Variants in ACSBG1 observed in about 807,000 individuals in gnomAD.
The protein encoded by ACSBG1 is long-chain-fatty-acid--CoA ligase ACSBG1.
Under a neutral mutation model 80.2 loss-of-function variants are expected in ACSBG1, and 39 were observed. That is an observed-to-expected ratio of 0.49 (90% confidence interval 0.38 to 0.64). The LOEUF is 0.64. ACSBG1 is among the 30% of genes least tolerant of loss of function. The pLI is 0.00. For synonymous variants in ACSBG1, 392 were observed against 379.5 expected (o/e 1.03, Z -0.38); for missense variants, 828 against 966.4 (o/e 0.86, Z 1.90).
In ACSBG1 at chr15:78,231,900, T is replaced by C. The variant is rs578165754; in HGVS notation, c.131+2471A>G. Among the ~76,000 whole-genome samples the C allele has an allele frequency of 9.2e-5, 14 of 152,352 alleles. 2 individuals carry two copies. The South Asian group carries it at 2.9e-3, about 32-fold the overall frequency. ...CACTGCACCTGGCTCTCTCTGACTT[T>C]AGAACAATGTTTTACAAGAATTAAG... On this transcript the variant is annotated intron_variant, in intron 1 of 13. Coordinates refer to ENST00000258873, the MANE Select transcript of ACSBG1 (RefSeq NM_015162.5).
At chr15:78,206,055 G>A (rs1381494458) in intron 2 of ACSBG1, among the ~76,000 whole-genome samples, 1 of 152,214 alleles carries the variant, frequency 6.6e-6, no homozygotes, top group African/African-American at 2.4e-5. Flanking sequence ...TGCAGGACAG[G>A]GTGCTGGGCA....
chr15:78,183,438 G>A (rs575051174), intron 5 of ACSBG1, among the ~76,000 whole-genome samples: 12 of 152,178 alleles, frequency 7.9e-5, no homozygotes, highest in African/African-American at 2.9e-4. Flanking sequence ...TTAGCCGGGT[G>A]TGGTGGTGCA....
intron 1 of ACSBG1, among the ~76,000 whole-genome samples, chr15:78,224,458 T>A (rs7161826): frequency 0.84 from 128,192 of 152,210 alleles, 54,980 homozygotes; most frequent in Non-Finnish European, 0.94. Context: ...GGTGGCTCAC[T>A]CCTGTAATCC....
intron 2 of ACSBG1, among the ~76,000 whole-genome samples, chr15:78,207,297 A>T (rs983503321): frequency 4.6e-5 from 7 of 152,222 alleles, no homozygotes; most frequent in Non-Finnish European, 7.3e-5. Context: ...GATCCCTGCC[A>T]AAGCCACCCA....
At position 78,234,421 on chromosome 15, in the gene ACSBG1, C is replaced by G; in HGVS notation, c.81G>C (p.Glu27Asp). The change falls in exon 1 of 14, where the codon GAG becomes GAC. Residue 27 changes from glutamate (E) to aspartate (D), a missense_variant. Glu to Asp is a conservative substitution (Grantham distance 45, BLOSUM62 2). Transcript: ENST00000258873. ...TCCTCACAATCATGTCCTGCCGGCT[C>G]TCCTGTGGGGTCTCTCTGCTGTCCA... ...SMLDSRETPQ[E>D]SRQDMIVRTT... is the part of the protein sequence containing the mutation. The G allele has an allele frequency of 6.2e-7, 1 of 1,613,158 alleles. No homozygotes were observed. Among genetic ancestry groups the G allele is most frequent in the Non-Finnish European group, 8.5e-7 (1 of 1,180,038 alleles).
At position 78,172,839 on chromosome 15, in the gene ACSBG1, G is replaced by A. The variant is rs757353723; in HGVS notation, c.2089+754C>T. ...TGAGGCTGCACCAGAGCCCTCTCCT[G>A]GTTCTGTGGGCAGTGGTCCGGAACA... On this transcript the variant is annotated intron_variant, in intron 13 of 13. Coordinates refer to ENST00000258873, the MANE Select transcript of ACSBG1 (RefSeq NM_015162.5). The surrounding 1 kb of genome is among the most constrained non-coding windows in gnomAD (Gnocchi z 4.1). 3.3e-5 allele frequency among the ~76,000 whole-genome samples: 5 copies of A among 152,174 alleles called. No homozygotes were observed. The highest frequency in any genetic ancestry group is 5.9e-5 in the Non-Finnish European group (4 of 68,026).
chr15:78,202,031 G>A (rs2075173398), intron 2 of ACSBG1, among the ~76,000 whole-genome samples: 1 of 152,188 alleles, frequency 6.6e-6, no homozygotes. Context: ...CTGAGACAAT[G>A]GGGTGGTGGA....
intron 5 of ACSBG1, among the ~76,000 whole-genome samples, chr15:78,192,154 A>G (rs2075062676): frequency 6.6e-6 from 1 of 152,134 alleles, no homozygotes; most frequent in Non-Finnish European, 1.5e-5. Flanking sequence ...AAGGAACACA[A>G]AAATGGCCAG....
At chr15:78,195,694 A>G (rs985323646) in intron 2 of ACSBG1, among the ~76,000 whole-genome samples, 4 of 152,158 alleles carry the variant, frequency 2.6e-5, no homozygotes, top group Non-Finnish European at 5.9e-5. Context: ...CTTTTTTCCA[A>G]ATTTGCAAAG....
chr15:78,203,316 G>A (rs941082545), intron 2 of ACSBG1, among the ~76,000 whole-genome samples: 1 of 152,204 alleles, frequency 6.6e-6, no homozygotes, highest in Admixed American at 6.5e-5. Flanking sequence ...CTGTTGCCCA[G>A]CAAGGCACCC....
intron 1 of ACSBG1, among the ~76,000 whole-genome samples, chr15:78,216,114 T>A (rs2075310185): frequency 6.6e-6 from 1 of 152,202 alleles, no homozygotes; most frequent in Non-Finnish European, 1.5e-5. Context: ...ATGAATTAAG[T>A]CCTCATTCCC....
At chr15:78,207,917 T>TCCCCCCCACCCCCCCCCCCCCCCCCACAC in intron 2 of ACSBG1, 85 bp downstream of exon 2, 6 of 876,064 alleles carry the variant, frequency 6.8e-6, no homozygotes, top group East Asian at 2.7e-5. Context: ...TGTGTGGTGG[T>TCCCCCCCACCCCCCCCCCCCCCCCCACAC]CCCCCACACC....
intron 1 of ACSBG1, among the ~76,000 whole-genome samples, chr15:78,211,147 C>G (rs544361094): frequency 6.6e-6 from 1 of 152,358 alleles, no homozygotes; most frequent in African/African-American, 2.4e-5. Context: ...GAAGCTGCCC[C>G]TACTCTGTCT....
At chr15:78,183,318 TGTAATCCCAGCACTTTGGGAGGCCAAG>T (rs1182761162) in intron 5 of ACSBG1, among the ~76,000 whole-genome samples, 2 of 152,252 alleles carry the variant, frequency 1.3e-5, no homozygotes, top group African/African-American at 2.4e-5. Context: ...GGCTCACGCC[TGTAATCCCAGCACTTTGGGAGGCCAAG>T]GTGGGAGGGT....
chr15:78,181,808 T>A (rs543728318), intron 8 of ACSBG1, among the ~76,000 whole-genome samples, 161 bp downstream of exon 8: 1 of 152,248 alleles, frequency 6.6e-6, no homozygotes, highest in Non-Finnish European at 1.5e-5. Flanking sequence ...TCCCTTCTTG[T>A]TTGGTCATTC....
At chr15:78,191,880 C>T (rs1357810897) in intron 5 of ACSBG1, among the ~76,000 whole-genome samples, 1 of 152,140 alleles carries the variant, frequency 6.6e-6, no homozygotes, top group Non-Finnish European at 1.5e-5. Flanking sequence ...ATTGTCTCCC[C>T]CTCCACAACC....
At chr15:78,226,975 T>G (rs897786111) in intron 1 of ACSBG1, among the ~76,000 whole-genome samples, 4 of 150,516 alleles carry the variant, frequency 2.7e-5, no homozygotes, top group African/African-American at 9.7e-5. Flanking sequence ...ATCCCAGCAC[T>G]CTGGGAGGCC....
chr15:78,227,254 T>C (rs1212889522), intron 1 of ACSBG1, among the ~76,000 whole-genome samples: 2 of 130,974 alleles, frequency 1.5e-5, no homozygotes, highest in South Asian at 4.9e-4. Context: ...AGATACACAA[T>C]TAATAAAATG....
At chr15:78,209,480 C>T (rs1444411789) in intron 1 of ACSBG1, among the ~76,000 whole-genome samples, 1 of 152,150 alleles carries the variant, frequency 6.6e-6, no homozygotes, top group Non-Finnish European at 1.5e-5. Flanking sequence ...CCTCCTGTGC[C>T]GGGCAGACAG....
Sources: gnomAD v4.1 joint callset for allele counts (sites outside exome capture counted in the v4.1 genomes callset) on GRCh38, gnomAD v4.1.1 for gene constraint, Gnocchi (gnomAD v3.1) non-coding constraint, MANE v1.5 for transcripts, NCBI Gene and HGNC (gene_info 2026-07-23, HGNC 2026-07-21) for gene names.